The following PTPN11 variants were observed in gnomAD, a reference collection of about 807,000 sequenced individuals.
PTPN11 encodes protein tyrosine phosphatase non-receptor type 11.
Under a neutral mutation model 78.8 loss-of-function variants are expected in PTPN11, and 6 were observed. That is an observed-to-expected ratio of 0.08 (90% CI 0.04 to 0.15). PTPN11 has a LOEUF of 0.15. PTPN11 is among the 10% of genes least tolerant of loss of function. The pLI is 1.00. For synonymous variants in PTPN11, 221 were observed against 263.5 expected, an observed-to-expected ratio of 0.84 and a Z score of 1.56; for missense variants, 386 against 744.8, an observed-to-expected ratio of 0.52 and a Z score of 5.61.
chr12:112,475,455 A>G (rs1376040778), intron 7 of PTPN11, among the ~76,000 whole-genome samples: 2 of 152,144 alleles, frequency 1.3e-5, no homozygotes, highest in African/African-American at 2.4e-5. Context: ...GGGTCTCACT[A>G]TATTGCCCAG....
chr12:112,501,499 C>T (rs990798952), intron 13 of PTPN11, among the ~76,000 whole-genome samples: 1 of 152,084 alleles, frequency 6.6e-6, no homozygotes, highest in Non-Finnish European at 1.5e-5. Flanking sequence ...GTGGTGGGCA[C>T]CTGTAATCCC....
At chr12:112,445,765 T>A (rs2037984043) in intron 1 of PTPN11, among the ~76,000 whole-genome samples, 1 of 151,494 alleles carries the variant, frequency 6.6e-6, no homozygotes, top group Admixed American at 6.6e-5. Flanking sequence ...CCTCAGCTTC[T>A]CAAGTAGCTG....
At chr12:112,497,875 G>C (rs980693435) in intron 13 of PTPN11, among the ~76,000 whole-genome samples, 4 of 152,184 alleles carry the variant, frequency 2.6e-5, no homozygotes, top group Non-Finnish European at 5.9e-5. Context: ...ATTTTAGGCC[G>C]GATGTGGTGG....
chr12:112,504,870 G>T lies in PTPN11; in HGVS notation c.*32+74G>T. On this transcript the variant is annotated intron_variant, in intron 15 of 15. Transcript: ENST00000351677. The surrounding 1 kb of genome is among the most constrained non-coding windows in gnomAD (Gnocchi z 4.7). The stretch of plus-strand genomic sequence containing the variant: ...GTATTTTTAAGCAGGCAAGCAATTT[G>T]GGAATGTTTTAGCAAAGTGTACCAT... 9.9e-7 allele frequency: 1 copy of T among 1,011,742 alleles called. No individual in the cohort carries two copies. The highest frequency in any genetic ancestry group is 1.5e-6 in the Non-Finnish European group (1 of 659,384). The allele number at this position is 1,011,742 out of a possible 1,614,324, so 62.7% of individuals were successfully genotyped here.
chr12:112,464,235 A>G (rs886984076), intron 6 of PTPN11, among the ~76,000 whole-genome samples: 4 of 152,212 alleles, frequency 2.6e-5, no homozygotes, highest in Admixed American at 2.0e-4. Context: ...TATCCAGAAG[A>G]CGTTACTTTT....
chr12:112,482,744 G>A lies in PTPN11; in HGVS notation c.1224+539G>A, dbSNP rs946837284. On this transcript the variant is annotated intron_variant, in intron 10 of 15. Transcript: ENST00000351677. The surrounding 1 kb of genome is among the most constrained non-coding windows in gnomAD (Gnocchi z 4.4). ...AGAAGCAGTAGATGTGAGAGGTGCCGGGGGGTGAAGTCTGCAGGATGTGGG... is the reference window on the plus strand; with the variant it reads ...AGAAGCAGTAGATGTGAGAGGTGCCAGGGGGTGAAGTCTGCAGGATGTGGG... 2.0e-5 allele frequency among the ~76,000 whole-genome samples: 3 copies of A among 152,128 alleles called. No individual in the cohort carries two copies. The highest frequency in any genetic ancestry group is 4.1e-4 in the South Asian group (2 of 4,826).
intron 14 of PTPN11, among the ~76,000 whole-genome samples, chr12:112,503,854 C>T (rs1304447427): frequency 6.6e-6 from 1 of 152,156 alleles, no homozygotes; most frequent in Non-Finnish European, 1.5e-5. Context: ...TCCTTACTCT[C>T]CTGGACTGCT....
At chr12:112,456,458 C>CTT (rs11320404) in intron 6 of PTPN11, among the ~76,000 whole-genome samples, 12 of 124,590 alleles carry the variant, frequency 9.6e-5, no homozygotes, top group African/African-American at 2.1e-4. Flanking sequence ...CTTGTGGTGG[C>CTT]TTTTTTTTTT....
In PTPN11 at chr12:112,508,884, T is replaced by C. The variant is rs1034091463; in HGVS notation, c.*3092T>C. On this transcript the variant is annotated 3_prime_UTR_variant, in exon 16 of 16. Coordinates refer to ENST00000351677, the MANE Select transcript of PTPN11 (RefSeq NM_002834.5). ...TGCATTCTTTAAAGAGCCAAGTTGC[T>C]TCGGGGAAACAGCCAGGAAAATGGT... is the stretch of plus-strand genomic sequence containing the variant. 1.5e-4 allele frequency: 23 copies of C among 152,214 alleles called. No homozygotes were observed. The highest frequency in any genetic ancestry group is 5.3e-4 in the African/African-American group (22 of 41,464). 9.4% of individuals were successfully genotyped at this position (152,214 alleles called of 1,614,324 possible).
chr12:112,495,191 A>G (rs1206865005), intron 13 of PTPN11, among the ~76,000 whole-genome samples: 2 of 152,260 alleles, frequency 1.3e-5, no homozygotes, highest in East Asian at 1.9e-4. Flanking sequence ...ATTAACATCA[A>G]TACATTGCTA....
At chr12:112,454,709 T>G (rs1309581387) in intron 5 of PTPN11, 29 bp downstream of exon 5, 1 of 1,539,352 alleles carries the variant, frequency 6.5e-7, no homozygotes. Flanking sequence ...TCAAGCTTTC[T>G]CCTTAAAAAC....
intron 1 of PTPN11, among the ~76,000 whole-genome samples, chr12:112,426,360 G>A (rs2037615449): frequency 6.6e-6 from 1 of 152,004 alleles, no homozygotes; most frequent in Non-Finnish European, 1.5e-5. Context: ...TGATTCACGC[G>A]ATTCTCCTGC....
intron 13 of PTPN11, among the ~76,000 whole-genome samples, chr12:112,501,293 C>T (rs1054037848): frequency 6.6e-6 from 1 of 152,040 alleles, no homozygotes; most frequent in Admixed American, 6.6e-5. Flanking sequence ...TTTGCCTTTT[C>T]CCCCCCAGGG....
intron 1 of PTPN11, among the ~76,000 whole-genome samples, chr12:112,433,297 G>A (rs2037740957): frequency 6.6e-6 from 1 of 152,178 alleles, no homozygotes; most frequent in Admixed American, 6.5e-5. Context: ...GTACAGGTGT[G>A]TAGCCTAGGA....
intron 10 of PTPN11, 152 bp from the exon 11 acceptor site, chr12:112,486,323 C>T (rs1323045359): frequency 1.1e-5 from 9 of 792,652 alleles, no homozygotes; most frequent in Admixed American, 2.1e-5. Flanking sequence ...CAAAAGGAGA[C>T]GAGTTCTGGG....
In PTPN11 at chr12:112,507,661, G is replaced by T. The variant is rs958037256; in HGVS notation, c.*1869G>T. 1.3e-5 allele frequency: 2 copies of T among 152,722 alleles called. No individual in the cohort carries two copies. Among genetic ancestry groups the T allele is most frequent in the African/African-American group, 4.8e-5 (2 of 41,440 alleles). The allele number at this position is 152,722 out of a possible 1,614,324, so 9.5% of individuals were successfully genotyped here. On this transcript the variant is annotated 3_prime_UTR_variant, in exon 16 of 16. Transcript: ENST00000351677. ...ATGGTAATAATGCTATGGCATCTTT[G>T]CCATGAAGTTGTGGCCTCCTTGGAT...
At chr12:112,445,824 A>G (rs1031994761) in intron 1 of PTPN11, among the ~76,000 whole-genome samples, 30 of 151,722 alleles carry the variant, frequency 2.0e-4, no homozygotes, top group African/African-American at 6.8e-4. Flanking sequence ...TATTTTTAGT[A>G]GAGATGGGTT....
chr12:112,434,556 C>T (rs2037760542), intron 1 of PTPN11, among the ~76,000 whole-genome samples: 2 of 150,252 alleles, frequency 1.3e-5, no homozygotes, highest in African/African-American at 4.9e-5. Context: ...TGCAGTGAGC[C>T]GAGATCACGC....
At chr12:112,474,270 C>T (rs912353746) in intron 7 of PTPN11, among the ~76,000 whole-genome samples, 27 of 152,046 alleles carry the variant, frequency 1.8e-4, no homozygotes, top group African/African-American at 5.6e-4. Context: ...GCAGGAGAAT[C>T]GCTTGAACCT....
Sources: allele counts gnomAD v4.1 joint callset (sites outside exome capture counted in the v4.1 genomes callset), GRCh38; gene constraint gnomAD v4.1.1; non-coding constraint Gnocchi (gnomAD v3.1); transcripts MANE v1.5; gene names NCBI Gene and HGNC (gene_info 2026-07-23, HGNC 2026-07-21).